Variants in TTC7A observed in about 807,000 individuals in gnomAD.
TTC7A encodes the protein tetratricopeptide repeat protein 7A.
In TTC7A, 110 loss-of-function variants were observed where a neutral mutation model predicts 103.7. The ratio of observed to expected loss-of-function variants is 1.06; its 90% CI spans 0.91 to 1.24. The LOEUF (loss-of-function observed/expected upper bound fraction) is 1.24. Ranked by LOEUF, TTC7A falls within the 50% of genes most tolerant of loss-of-function variation. The pLI, the probability that TTC7A is intolerant of heterozygous loss-of-function variation, is 0.00. For missense variants in TTC7A, 1,340 were observed against 1,116.3 expected, an observed-to-expected ratio of 1.20 and a Z score of -2.86; for synonymous variants, 521 against 467.9, an observed-to-expected ratio of 1.11 and a Z score of -1.47.
intron 5 of TTC7A, among the ~76,000 whole-genome samples, chr2:46,980,533 A>C (rs1472151801): frequency 2.0e-5 from 3 of 152,134 alleles, no homozygotes; most frequent in Non-Finnish European, 4.4e-5. Context: ...TCAATACAAC[A>C]CAGGTCATTT....
At chr2:46,951,585 G>A in intron 2 of TTC7A, 1 of 451,894 alleles carries the variant, frequency 2.2e-6, no homozygotes, top group Non-Finnish European at 4.4e-6. Context: ...CTTTCTGTCT[G>A]TCTTTATTTT....
chr2:46,953,746 C>T (rs544277925), intron 2 of TTC7A, among the ~76,000 whole-genome samples: 27 of 152,242 alleles, frequency 1.8e-4, no homozygotes, highest in African/African-American at 6.0e-4. Context: ...TTTGCACCAT[C>T]GCATGCAGGC....
intron 3 of TTC7A, among the ~76,000 whole-genome samples, chr2:46,972,596 G>T (rs1001645799): frequency 2.0e-5 from 3 of 152,234 alleles, no homozygotes; most frequent in Non-Finnish European, 2.9e-5. Context: ...ACACTTAGCT[G>T]ATTGCCATGG....
chr2:47,051,504 A>C (rs1160758873), intron 17 of TTC7A, among the ~76,000 whole-genome samples: 1 of 152,240 alleles, frequency 6.6e-6, no homozygotes. Flanking sequence ...TCCCAGGAAT[A>C]GATCCTAGTG....
chr2:47,026,893 C>T (rs577261327), intron 14 of TTC7A, among the ~76,000 whole-genome samples: 1 of 152,324 alleles, frequency 6.6e-6, no homozygotes, highest in Non-Finnish European at 1.5e-5. Flanking sequence ...GAGCCAGGAG[C>T]CACACCCCAA....
At chr2:46,974,865 C>T in intron 3 of TTC7A, 108 bp from the exon 4 acceptor site, 2 of 1,478,980 alleles carry the variant, frequency 1.4e-6, no homozygotes, top group South Asian at 2.4e-5. Flanking sequence ...CTCCTGGCTG[C>T]ACCAGAGTGT....
In TTC7A at chr2:47,046,291, G is replaced by C. The variant is rs199838171; in HGVS notation, c.1803-24G>C. ...AAGTGGGCCCTTGCTGGGGTGTGCT[G>C]ATGGCCACTCTCCGTCCCCACAGCC... On this transcript the variant is annotated intron_variant, in intron 15 of 19. Transcript: ENST00000319190. 8 of 1,598,986 alleles carry C rather than the reference G, an allele frequency of 5.0e-6. No individual in the cohort carries two copies. In the East Asian group the frequency reaches 1.1e-4, roughly 22 times the overall value.
At chr2:46,964,297 G>A (rs932069394) in intron 3 of TTC7A, among the ~76,000 whole-genome samples, 5 of 152,200 alleles carry the variant, frequency 3.3e-5, no homozygotes, top group African/African-American at 1.2e-4. Flanking sequence ...GGAAACAAGG[G>A]GAGGTGGCTT....
Position 46,947,330 on chromosome 2 carries a change from C to G in TTC7A, c.185-3033C>G, listed in dbSNP as rs148124713. ...TATATAAAAAAGTGTCTGGCCCATA[C>G]TAAGCCTTCAACAAATATTAGTGCC... On this transcript the variant is annotated intron_variant, in intron 1 of 19. Coordinates refer to ENST00000319190, the MANE Select transcript of TTC7A (RefSeq NM_020458.4). Among the ~76,000 whole-genome samples, 8 of 152,290 alleles carry G rather than the reference C, an allele frequency of 5.3e-5. No homozygotes were observed. The South Asian group carries it at 6.2e-4, about 12-fold the overall frequency.
chr2:47,050,116 A>G, intron 17 of TTC7A, 70 bp downstream of exon 17: 1 of 1,323,700 alleles, frequency 7.6e-7, no homozygotes, highest in Non-Finnish European at 1.1e-6. Flanking sequence ...GAGAGCACCA[A>G]CACAGAGAGG....
chr2:46,939,977 G>A (rs937637384), upstream of TTC7A, among the ~76,000 whole-genome samples: 3 of 152,146 alleles, frequency 2.0e-5, no homozygotes, highest in African/African-American at 7.2e-5. Flanking sequence ...AGCACCCACC[G>A]TTAGGAAATC....
chr2:47,051,933 C>T (rs191606388), intron 18 of TTC7A, 53 bp downstream of exon 18: 4 of 1,555,584 alleles, frequency 2.6e-6, no homozygotes, highest in Non-Finnish European at 3.5e-6. Flanking sequence ...GCCACCCATG[C>T]TCTCAGAGCC....
intron 15 of TTC7A, chr2:47,035,241 T>C (rs1680978154): frequency 6.6e-6 from 1 of 152,218 alleles, no homozygotes; most frequent in South Asian, 2.1e-4. Flanking sequence ...ATGCTTAGCA[T>C]ACCAACACTC....
intron 18 of TTC7A, among the ~76,000 whole-genome samples, chr2:47,060,361 C>G (rs1683664859): frequency 1.3e-5 from 2 of 152,030 alleles, no homozygotes; most frequent in Admixed American, 6.5e-5. Flanking sequence ...CAGAGGGAAA[C>G]TCTTTTTCTA....
intron 2 of TTC7A, 54 bp from the exon 3 acceptor site, chr2:46,956,785 T>C: frequency 1.3e-6 from 2 of 1,587,624 alleles, no homozygotes; most frequent in Admixed American, 3.3e-5. Flanking sequence ...GTGGGGGTGT[T>C]CACCCCAAGG....
chr2:46,993,027 T>C (rs1453013618), intron 5 of TTC7A, among the ~76,000 whole-genome samples: 1 of 152,216 alleles, frequency 6.6e-6, no homozygotes, highest in Non-Finnish European at 1.5e-5. Context: ...CCTGGGGCCA[T>C]GGTACTGGGG....
intron 5 of TTC7A, among the ~76,000 whole-genome samples, chr2:46,985,342 A>G (rs1291699722): frequency 2.0e-5 from 3 of 152,172 alleles, no homozygotes; most frequent in African/African-American, 7.2e-5. Flanking sequence ...GAAAGTCTTG[A>G]AAGTCTTGGC....
At chr2:46,984,323 G>A (rs899557296) in intron 5 of TTC7A, among the ~76,000 whole-genome samples, 1 of 152,178 alleles carries the variant, frequency 6.6e-6, no homozygotes, top group Non-Finnish European at 1.5e-5. Flanking sequence ...ACTTTGGTGG[G>A]TGCCCTCACC....
At chr2:47,038,594 C>T (rs1193780782) in intron 15 of TTC7A, among the ~76,000 whole-genome samples, 1 of 151,668 alleles carries the variant, frequency 6.6e-6, no homozygotes, top group Admixed American at 6.6e-5. Context: ...AGAGATAATG[C>T]CCCTTTCTAT....
Sources: allele counts gnomAD v4.1 joint callset (sites outside exome capture counted in the v4.1 genomes callset), GRCh38; gene constraint gnomAD v4.1.1; transcripts MANE v1.5; gene names NCBI Gene and HGNC (gene_info 2026-07-23, HGNC 2026-07-21).